UBAP2L: variants seen among roughly 807,000 people sequenced by gnomAD.
The protein encoded by UBAP2L is ubiquitin-associated protein 2-like.
In UBAP2L, 12 loss-of-function variants were observed where a neutral mutation model predicts 130.6. The observed-to-expected ratio is 0.09, with a 90% CI of 0.06 to 0.15. The LOEUF (loss-of-function observed/expected upper bound fraction) is 0.15, where lower values mean the gene tolerates loss of function less well. Among genes scored for constraint, UBAP2L ranks in the 10% least tolerant of loss-of-function variants. The pLI is 1.00. For missense variants in UBAP2L, 965 were observed against 1,332.5 expected, an observed-to-expected ratio of 0.72 and a Z score of 4.29; for synonymous variants, 503 against 524.7, an observed-to-expected ratio of 0.96 and a Z score of 0.57.
rs947386916 is a variant in UBAP2L at position 154,266,529 on chromosome 1, C to T, written c.2931C>T (p.Gly977=). The T allele has an allele frequency of 7.4e-6, 12 of 1,614,028 alleles. No individual in the cohort carries two copies. Among genetic ancestry groups the T allele is most frequent in the East Asian group, 2.2e-5 (1 of 44,884 alleles). ...TGVSVTSSNT[G]VPDISGSVYS... ...TTTCAGTCACCTCCAGTAACACGGG[C>T]GTGCCAGATATCTCGGGTTCTGTGT... Residue 977 remains glycine, a synonymous_variant, in exon 25 of 27, where the codon GGC becomes GGT. Transcript: ENST00000428931.
intron 23 of UBAP2L, 94 bp downstream of exon 23, chr1:154,261,203 G>A: frequency 5.1e-6 from 7 of 1,360,836 alleles, no homozygotes; most frequent in Non-Finnish European, 7.0e-6. Flanking sequence ...TTTAATAATG[G>A]ATGAGGAGGA....
At chr1:154,264,230 T>C (rs1027964782) in intron 24 of UBAP2L, among the ~76,000 whole-genome samples, 17 of 152,184 alleles carry the variant, frequency 1.1e-4, no homozygotes, top group African/African-American at 3.9e-4. Flanking sequence ...TCAGCTTTCC[T>C]TGTATTTGTT....
intron 4 of UBAP2L, among the ~76,000 whole-genome samples, chr1:154,234,234 G>A (rs1315174475): frequency 1.3e-5 from 2 of 151,988 alleles, no homozygotes; most frequent in African/African-American, 4.8e-5. Context: ...ATGGTGTCGC[G>A]TGCCTGTAAT....
intron 4 of UBAP2L, among the ~76,000 whole-genome samples, chr1:154,233,675 G>C (rs1053905201): frequency 1.3e-5 from 2 of 150,816 alleles, no homozygotes; most frequent in Admixed American, 6.6e-5. Flanking sequence ...GTGTGTGTGT[G>C]TGTCTGTAGG....
At chr1:154,270,138 A>G in intron 26 of UBAP2L, 62 bp from the exon 27 acceptor site, 2 of 1,482,978 alleles carry the variant, frequency 1.3e-6, no homozygotes, top group Non-Finnish European at 1.8e-6. Context: ...TGAAGATGTT[A>G]CAAATTTGTA....
At chr1:154,255,462 G>A (rs1159393020) in intron 17 of UBAP2L, 136 bp downstream of exon 17, 55 of 1,272,284 alleles carry the variant, frequency 4.3e-5, no homozygotes, top group Non-Finnish European at 5.7e-5. Context: ...AAGAACTGTG[G>A]GAAGTGAAGA....
intron 12 of UBAP2L, among the ~76,000 whole-genome samples, chr1:154,249,935 A>G (rs773061093): frequency 4.0e-5 from 6 of 151,718 alleles, no homozygotes; most frequent in Non-Finnish European, 8.8e-5. Context: ...TGGGGTTTTA[A>G]TTATTATTAT....
intron 10 of UBAP2L, among the ~76,000 whole-genome samples, chr1:154,244,945 T>G (rs1397675299): frequency 6.6e-6 from 1 of 150,918 alleles, no homozygotes; most frequent in Non-Finnish European, 1.5e-5. Context: ...CTGGTCTCTT[T>G]TTTTGAGACA....
chr1:154,258,377 A>C (rs1240063092), intron 20 of UBAP2L, among the ~76,000 whole-genome samples: 1 of 152,224 alleles, frequency 6.6e-6, no homozygotes, highest in Non-Finnish European at 1.5e-5. Context: ...TGGGACTTTG[A>C]GAATAAGTGG....
intron 25 of UBAP2L, 43 bp downstream of exon 25, chr1:154,266,611 T>C: frequency 6.3e-7 from 1 of 1,592,412 alleles, no homozygotes; most frequent in South Asian, 1.1e-5. Flanking sequence ...GAGATAGACA[T>C]AGAGGAGGTG....
intron 4 of UBAP2L, among the ~76,000 whole-genome samples, chr1:154,234,120 A>G (rs750371919): frequency 2.6e-5 from 4 of 152,072 alleles, no homozygotes; most frequent in Admixed American, 1.3e-4. Flanking sequence ...CAGCACTTTA[A>G]GAGGCCGAGG....
intron 24 of UBAP2L, among the ~76,000 whole-genome samples, chr1:154,265,561 T>C (rs1683001192): frequency 6.6e-6 from 1 of 152,242 alleles, no homozygotes; most frequent in South Asian, 2.1e-4. Context: ...GTTATTTATT[T>C]CATGGCTTTT....
chr1:154,242,223 A>G (rs1240265769), intron 9 of UBAP2L, among the ~76,000 whole-genome samples: 4 of 152,192 alleles, frequency 2.6e-5, no homozygotes, highest in African/African-American at 7.2e-5. Flanking sequence ...TCTGCTGTGA[A>G]TTATGGTTTT....
intron 25 of UBAP2L, among the ~76,000 whole-genome samples, chr1:154,267,452 G>A (rs1000368024): frequency 2.6e-5 from 4 of 151,138 alleles, no homozygotes; most frequent in Non-Finnish European, 2.9e-5. Context: ...TGCACCCAGC[G>A]GAGTTACTAT....
intron 3 of UBAP2L, 97 bp downstream of exon 3, chr1:154,227,456 A>T: frequency 1.8e-6 from 2 of 1,086,056 alleles, no homozygotes; most frequent in Non-Finnish European, 2.7e-6. Flanking sequence ...ACTTTCTACT[A>T]TAGGTATTGA....
intron 1 of UBAP2L, among the ~76,000 whole-genome samples, chr1:154,224,091 C>T (rs1667193852): frequency 1.3e-5 from 2 of 152,178 alleles, no homozygotes; most frequent in Admixed American, 1.3e-4. Context: ...AACTTGAATT[C>T]AGTAGAATCC....
intron 8 of UBAP2L, 128 bp from the exon 9 acceptor site, chr1:154,241,385 G>A (rs979726381): frequency 1.4e-5 from 11 of 788,200 alleles, no homozygotes; most frequent in Non-Finnish European, 2.3e-5. Context: ...ACCACACCTG[G>A]CCTTCTGATT....
At chr1:154,243,748 A>G (rs1180846270) in intron 10 of UBAP2L, among the ~76,000 whole-genome samples, 3 of 151,888 alleles carry the variant, frequency 2.0e-5, no homozygotes, top group Non-Finnish European at 4.4e-5. Flanking sequence ...GGCATGAACC[A>G]CCGCGCCAGT....
In UBAP2L at chr1:154,267,880, C is replaced by CTTTTTTTTTTT. The variant is rs869153080; in HGVS notation, c.2971-861_2971-851dup. ...TCCACATTCCATCCTCTTATTTGGT[C>CTTTTTTTTTTT]TTTTTTTTTTTTTTTTTTTTTTTTT... On this transcript the variant is annotated intron_variant, in intron 25 of 26. Coordinates refer to ENST00000428931, the MANE Select transcript of UBAP2L (RefSeq NM_014847.4). 5.5e-3 allele frequency among the ~76,000 whole-genome samples: 285 copies of CTTTTTTTTTTT among 52,086 alleles called. 45 individuals carry two copies. The highest frequency in any genetic ancestry group is 9.3e-3 in the East Asian group (16 of 1,712). The allele number at this position is 52,086 out of a possible 152,430, so 34.2% of individuals were successfully genotyped here.
Sources: gnomAD v4.1 joint callset for allele counts (sites outside exome capture counted in the v4.1 genomes callset) on GRCh38, gnomAD v4.1.1 for gene constraint, MANE v1.5 for transcripts, NCBI Gene and HGNC (gene_info 2026-07-23, HGNC 2026-07-21) for gene names.